Variants in CTNNA3 observed in about 807,000 individuals in gnomAD.
The protein encoded by CTNNA3 is catenin alpha 3, also known as catenin alpha-3.
A neutral mutation model predicts 95.7 loss-of-function variants in CTNNA3; 76 were observed. That is an observed-to-expected ratio of 0.79 (90% CI 0.66 to 0.96). The LOEUF is 0.96. Ranked by LOEUF, CTNNA3 falls within the 40% of genes least tolerant of loss-of-function variation. CTNNA3 has a pLI of 0.00. For missense variants in CTNNA3, 1,191 were observed against 1,089.8 expected (o/e 1.09, Z -1.31); for synonymous variants, 431 against 374.4 (o/e 1.15, Z -1.74).
chr10:67,363,948 A>C lies in CTNNA3; in HGVS notation c.580-144078T>G, dbSNP rs1589217105. Reference sequence around the variant, plus strand: ...GAAACAATTTCCAACCAATAGAAAAAAGAGGGAATCCTCCCAAACTCATTT... The same window carrying C: ...GAAACAATTTCCAACCAATAGAAAACAGAGGGAATCCTCCCAAACTCATTT... On this transcript the variant is annotated intron_variant, in intron 5 of 17. Transcript: ENST00000433211. 2.0e-5 allele frequency among the ~76,000 whole-genome samples: 3 copies of C among 152,196 alleles called. No homozygotes were observed. In the East Asian group the frequency reaches 5.8e-4, roughly 29 times the overall value.
intron 13 of CTNNA3, among the ~76,000 whole-genome samples, chr10:66,266,382 A>T (rs757389492): frequency 6.6e-6 from 1 of 151,902 alleles, no homozygotes; most frequent in Non-Finnish European, 1.5e-5. Flanking sequence ...TCTCTGATTG[A>T]TGTGGTTCTT....
intron 1 of CTNNA3, chr10:67,750,511 CA>C (rs1190081482): frequency 1.3e-6 from 2 of 1,568,122 alleles, no homozygotes; most frequent in African/African-American, 2.7e-5. Flanking sequence ...TCTTCATCAT[CA>C]ACAAGTTGTG....
intron 7 of CTNNA3, among the ~76,000 whole-genome samples, chr10:67,167,303 G>A (rs181661272): frequency 3.3e-5 from 5 of 152,048 alleles, no homozygotes; most frequent in East Asian, 1.9e-4. Flanking sequence ...CAGTTAATGC[G>A]GGCTTTTGGC....
rs540064405 is a variant in CTNNA3 at position 66,355,970 on chromosome 10, C to T, written c.1732+23182G>A. Among the ~76,000 whole-genome samples, 5 of 150,584 alleles carry T rather than the reference C, an allele frequency of 3.3e-5. No individual in the cohort carries two copies. The South Asian group carries it at 1.0e-3, about 31-fold the overall frequency. Reference sequence around the variant, plus strand: ...CTCCACTGAATTATCTTGGCATTTCCATCAAGAATTGTTTGATTTCTGAAC... The same window carrying T: ...CTCCACTGAATTATCTTGGCATTTCTATCAAGAATTGTTTGATTTCTGAAC... On this transcript the variant is annotated intron_variant, in intron 12 of 17. Coordinates refer to ENST00000433211, the MANE Select transcript of CTNNA3 (RefSeq NM_013266.4).
intron 9 of CTNNA3, among the ~76,000 whole-genome samples, chr10:66,656,830 TTTTTTGTTTTTG>T (rs955955446): frequency 9.2e-5 from 14 of 151,946 alleles, no homozygotes; most frequent in Non-Finnish European, 8.8e-5. Context: ...TTTGTTGTTG[TTTTTTGTTTTTG>T]TTTTTGTTTT....
intron 12 of CTNNA3, among the ~76,000 whole-genome samples, chr10:66,300,245 T>G (rs1371842760): frequency 6.6e-6 from 1 of 152,094 alleles, no homozygotes; most frequent in African/African-American, 2.4e-5. Flanking sequence ...AGATATAATT[T>G]TTACTGATGA....
intron 15 of CTNNA3, among the ~76,000 whole-genome samples, chr10:66,054,304 C>G (rs1185088020): frequency 6.6e-6 from 1 of 152,146 alleles, no homozygotes; most frequent in Non-Finnish European, 1.5e-5. Flanking sequence ...AACCTCTATA[C>G]TGTTCTCCAC....
At chr10:67,632,407 A>G (rs572177215) in intron 2 of CTNNA3, among the ~76,000 whole-genome samples, 2 of 152,234 alleles carry the variant, frequency 1.3e-5, no homozygotes, top group East Asian at 3.9e-4. Context: ...AAGATGGACA[A>G]TTAGAAGCAG....
chr10:67,096,825 C>T (rs546878365), intron 7 of CTNNA3, among the ~76,000 whole-genome samples: 75 of 151,934 alleles, frequency 4.9e-4, no homozygotes, highest in African/African-American at 1.8e-3. Context: ...TCCTTTGATG[C>T]TTTTTGGACT....
intron 1 of CTNNA3, among the ~76,000 whole-genome samples, chr10:67,735,137 A>G (rs1841295737): frequency 8.6e-6 from 1 of 116,700 alleles, no homozygotes; most frequent in Admixed American, 8.1e-5. Context: ...GCACACACAC[A>G]CACACACAAA....
At chr10:67,545,122 C>A (rs1004486240) in intron 3 of CTNNA3, among the ~76,000 whole-genome samples, 1 of 151,994 alleles carries the variant, frequency 6.6e-6, no homozygotes, top group Non-Finnish European at 1.5e-5. Flanking sequence ...GCACAACGTG[C>A]AGGTTTGTTA....
At chr10:66,102,470 AG>A (rs1474132680) in intron 14 of CTNNA3, among the ~76,000 whole-genome samples, 5 of 152,176 alleles carry the variant, frequency 3.3e-5, no homozygotes, top group Non-Finnish European at 7.3e-5. Flanking sequence ...ACACTCCAGA[AG>A]GAGGTGGCAG....
At chr10:67,340,992 G>A (rs187510164) in intron 5 of CTNNA3, among the ~76,000 whole-genome samples, 180 of 152,156 alleles carry the variant, frequency 1.2e-3, no homozygotes, top group Non-Finnish European at 2.1e-3. Context: ...TTAAGTCCTC[G>A]AGGATTTTAC....
intron 5 of CTNNA3, among the ~76,000 whole-genome samples, chr10:67,319,107 G>A (rs1353737416): frequency 6.6e-6 from 1 of 152,170 alleles, no homozygotes; most frequent in East Asian, 1.9e-4. Context: ...TGTGTGATCA[G>A]CCCCCAATAA....
chr10:65,998,493 C>T (rs56948777), intron 15 of CTNNA3, among the ~76,000 whole-genome samples: 2 of 152,100 alleles, frequency 1.3e-5, no homozygotes, highest in African/African-American at 2.4e-5. Flanking sequence ...CTGAATTTCT[C>T]GGTTTTAATT....
chr10:66,541,865 T>C (rs1359743337), intron 10 of CTNNA3, among the ~76,000 whole-genome samples: 1 of 152,110 alleles, frequency 6.6e-6, no homozygotes, highest in African/African-American at 2.4e-5. Flanking sequence ...GTAAAGTGTT[T>C]TTGCAATGCG....
At chr10:67,629,030 T>A (rs1292988065) in intron 2 of CTNNA3, among the ~76,000 whole-genome samples, 1 of 151,886 alleles carries the variant, frequency 6.6e-6, no homozygotes, top group Non-Finnish European at 1.5e-5. Flanking sequence ...ACTGGACTCA[T>A]AAAATTGCTA....
chr10:65,995,930 C>A (rs2078647029), intron 15 of CTNNA3, among the ~76,000 whole-genome samples: 1 of 152,148 alleles, frequency 6.6e-6, no homozygotes, highest in South Asian at 2.1e-4. Flanking sequence ...TAGGCCTCCT[C>A]CATTGTGCAC....
intron 10 of CTNNA3, among the ~76,000 whole-genome samples, chr10:66,523,910 C>A (rs1265572346): frequency 1.3e-5 from 2 of 152,142 alleles, no homozygotes; most frequent in South Asian, 2.1e-4. Context: ...CACCATATTT[C>A]TTTTCAGTAA....
Sources: gnomAD v4.1 joint callset for allele counts (sites outside exome capture counted in the v4.1 genomes callset) on GRCh38, gnomAD v4.1.1 for gene constraint, MANE v1.5 for transcripts, NCBI Gene and HGNC (gene_info 2026-07-23, HGNC 2026-07-21) for gene names.